ABCA9: variants seen among roughly 807,000 people sequenced by gnomAD.
ABCA9 encodes the protein ATP-binding cassette sub-family A member 9.
A neutral mutation model predicts 205.3 loss-of-function variants in ABCA9; 183 were observed. That is an observed-to-expected ratio of 0.89 (90% CI 0.79 to 1.01). The LOEUF (loss-of-function observed/expected upper bound fraction) is 1.01, where lower values mean the gene tolerates loss of function less well. Among genes scored for constraint, ABCA9 ranks in the 50% least tolerant of loss-of-function variants. ABCA9 has a pLI of 0.00. For missense variants in ABCA9, 1,805 were observed against 1,912.4 expected (o/e 0.94, Z 1.05); for synonymous variants, 651 against 683.3 (o/e 0.95, Z 0.74).
chr17:69,008,447 C>T lies in ABCA9; in HGVS notation c.3148-212G>A, dbSNP rs191784229. Reference sequence around the variant, plus strand: ...ATTATTTCATTGTCTAAAGGGAAAACGCACCAACATAACTAGCTAATGTTA... The same window carrying T: ...ATTATTTCATTGTCTAAAGGGAAAATGCACCAACATAACTAGCTAATGTTA... On this transcript the variant is annotated intron_variant, in intron 23 of 38. Coordinates refer to ENST00000340001, the MANE Select transcript of ABCA9 (RefSeq NM_080283.4). Among the ~76,000 whole-genome samples, 70 of 152,292 alleles carry T rather than the reference C, an allele frequency of 4.6e-4. 3 individuals are homozygous for T. Among genetic ancestry groups the T allele is most frequent in the Admixed American group, 3.9e-3 (59 of 15,300 alleles).
chr17:69,062,114 C>T (rs1461713598), upstream of ABCA9, among the ~76,000 whole-genome samples: 1 of 151,388 alleles, frequency 6.6e-6, no homozygotes, highest in Non-Finnish European at 1.5e-5. Context: ...AGGCTGAACT[C>T]CTGAATCCAT....
chr17:69,016,375 T>C lies in ABCA9; in HGVS notation c.2917A>G (p.Ile973Val). Residue 973 changes from isoleucine to valine, a missense_variant, in exon 22 of 39, where the codon ATA becomes GTA. Coordinates refer to ENST00000340001, the MANE Select transcript of ABCA9 (RefSeq NM_080283.4). ...SGDEKDHRFS[I>V]ACNTKRLNCF... ...TTCAGCCGTTTTGTATTACATGCTA[T>C]TGAAAATCTGTGATCCTGAAATACA... The C allele has an allele frequency of 1.3e-6, 2 of 1,588,578 alleles. No individual in the cohort carries two copies. Among genetic ancestry groups the C allele is most frequent in the Non-Finnish European group, 1.7e-6 (2 of 1,171,124 alleles).
At chr17:68,980,853 A>G (rs191916297) in intron 37 of ABCA9, among the ~76,000 whole-genome samples, 1 of 152,038 alleles carries the variant, frequency 6.6e-6, no homozygotes, top group African/African-American at 2.4e-5. Context: ...AACATGGCAC[A>G]TATATACATA....
At chr17:69,013,095 C>T (rs991049985) in intron 22 of ABCA9, among the ~76,000 whole-genome samples, 3 of 151,648 alleles carry the variant, frequency 2.0e-5, no homozygotes, top group Non-Finnish European at 4.4e-5. Flanking sequence ...GTATATGTAC[C>T]TCATTTTCTT....
intron 1 of ABCA9, among the ~76,000 whole-genome samples, chr17:69,056,185 C>T (rs904296854): frequency 4.6e-5 from 7 of 151,758 alleles, no homozygotes; most frequent in Admixed American, 3.3e-4. Flanking sequence ...ATCAATGAAA[C>T]GGAAAACAGG....
upstream of ABCA9, among the ~76,000 whole-genome samples, chr17:69,062,537 G>C (rs980367871): frequency 6.6e-6 from 1 of 152,002 alleles, no homozygotes; most frequent in Non-Finnish European, 1.5e-5. Flanking sequence ...TTGAGACGGA[G>C]TTTCCCTCTG....
Position 69,028,603 on chromosome 17 carries a change from AG to A in ABCA9, c.1546del (p.Gly517ValfsTer11). 1 of 1,610,572 alleles carries A rather than the reference AG, an allele frequency of 6.2e-7. No individual in the cohort carries two copies. The highest frequency in any genetic ancestry group is 8.5e-7 in the Non-Finnish European group (1 of 1,178,144). On this transcript the variant is annotated frameshift_variant, in exon 12 of 39. Transcript: ENST00000340001. LOFTEE classifies it high-confidence loss of function. Reference sequence around the variant, plus strand: ...AGTTTTTCCAGCTCCACTGTGACCAAGGAGGGCAGTGATCTGGCCTTCATAT... The same window carrying A: ...AGTTTTTCCAGCTCCACTGTGACCAAGAGGGCAGTGATCTGGCCTTCATAT... ...DIYEGQITAL[L>X]GHSGAGKTTL...
chr17:69,046,441 C>T (rs1243264112), intron 3 of ABCA9, among the ~76,000 whole-genome samples: 1 of 152,124 alleles, frequency 6.6e-6, no homozygotes, highest in Non-Finnish European at 1.5e-5. Context: ...TTATGAGAGG[C>T]TTATAATTTC....
chr17:68,992,289 A>G (rs1293491926), intron 27 of ABCA9, 23 bp from the exon 28 acceptor site: 2 of 1,386,280 alleles, frequency 1.4e-6, no homozygotes, highest in African/African-American at 1.4e-5. Flanking sequence ...AAAGACAATC[A>G]CAATTAGTAT....
intron 31 of ABCA9, chr17:68,986,818 T>G (rs2069253588): frequency 6.6e-6 from 1 of 152,468 alleles, no homozygotes; most frequent in African/African-American, 2.4e-5. Flanking sequence ...TGGCATCTAG[T>G]AAGTAGGGGC....
In ABCA9 at chr17:68,975,853, C is replaced by A; in HGVS notation, c.*62G>T. 7.9e-7 allele frequency: 1 copy of A among 1,267,446 alleles called. No homozygotes were observed. Among genetic ancestry groups the A allele is most frequent in the Non-Finnish European group, 1.1e-6 (1 of 889,956 alleles). 78.5% of individuals were successfully genotyped at this position (1,267,446 alleles called of 1,614,324 possible). On this transcript the variant is annotated 3_prime_UTR_variant, in exon 39 of 39. Transcript: ENST00000340001. The stretch of plus-strand genomic sequence containing the variant: ...ACCTCTGATATAAGGCATATTAAGG[C>A]TATAAAATATTATCTTTAAAAGAGT...
chr17:69,070,184 C>A, the ABCA9 span, among the ~76,000 whole-genome samples: 1 of 151,562 alleles, frequency 6.6e-6, no homozygotes, highest in Admixed American at 6.6e-5. Context: ...GTAAAATATA[C>A]AGATAAAATA....
At chr17:68,992,973 G>A in intron 27 of ABCA9, 43 bp downstream of exon 27, 1 of 1,465,594 alleles carries the variant, frequency 6.8e-7, no homozygotes, top group South Asian at 1.2e-5. Context: ...TACAAAAGTT[G>A]TGTTCCCTCA....
At position 69,026,439 on chromosome 17, in the gene ABCA9, C is replaced by T. The variant is rs763175487; in HGVS notation, c.2079G>A (p.Lys693=). 238 of 1,613,720 alleles carry T rather than the reference C, an allele frequency of 1.5e-4. No individual in the cohort carries two copies. Among genetic ancestry groups the T allele is most frequent in the Non-Finnish European group, 1.9e-4 (222 of 1,179,780 alleles). The stretch of plus-strand genomic sequence containing the variant: ...ACAGAGAAGAGCCTGCACACTTCAG[C>T]TTCCCATTGGATATGAACACCTTCC... ...ADRKVFISNG[K]LKCAGSSLFL... The change falls in exon 16 of 39, where the codon AAG becomes AAA. Residue 693 remains lysine (K), a synonymous_variant. Coordinates refer to ENST00000340001, the MANE Select transcript of ABCA9 (RefSeq NM_080283.4).
intron 3 of ABCA9, among the ~76,000 whole-genome samples, chr17:69,046,230 A>T (rs998359424): frequency 9.2e-5 from 14 of 152,200 alleles, no homozygotes; most frequent in Admixed American, 9.2e-4. Flanking sequence ...GACTTTGTTT[A>T]TTCTAAAATA....
chr17:69,019,237 T>C (rs1018010209), intron 19 of ABCA9, among the ~76,000 whole-genome samples: 2 of 152,122 alleles, frequency 1.3e-5, no homozygotes, highest in African/African-American at 4.8e-5. Flanking sequence ...TTTGCACAAT[T>C]ACCCAATTAA....
the ABCA9 span, among the ~76,000 whole-genome samples, chr17:69,078,227 C>T: frequency 3.9e-5 from 4 of 101,850 alleles, no homozygotes; most frequent in Admixed American, 1.1e-4. Context: ...TTTTTTTTGA[C>T]AGAGTCTCAC....
chr17:68,990,844 A>G lies in ABCA9; in HGVS notation c.3830T>C (p.Phe1277Ser). The G allele has an allele frequency of 1.9e-6, 3 of 1,611,796 alleles. No homozygotes were observed. The highest frequency in any genetic ancestry group is 1.7e-5 in the Admixed American group (1 of 59,134). ...AACATTTCTGAGTTCTACCTCATCAAAGTCTCGCACAGCCATAGCATTCAC... is the reference window on the plus strand; with the variant it reads ...AACATTTCTGAGTTCTACCTCATCAGAGTCTCGCACAGCCATAGCATTCAC... ...RTVNAMAVRD[F>S]DETPVIIASC... is the part of the protein sequence containing the mutation. The change falls in exon 29 of 39, where the codon TTT becomes TCT. Residue 1277 changes from phenylalanine to serine, a missense_variant. By Grantham distance (155) the Phe-to-Ser change is radical. Transcript: ENST00000340001.
At chr17:69,028,323 T>C (rs1377880465) in intron 12 of ABCA9, among the ~76,000 whole-genome samples, 2 of 152,082 alleles carry the variant, frequency 1.3e-5, no homozygotes, top group East Asian at 3.9e-4. Flanking sequence ...CCTGCCACCA[T>C]GCCTGGCTAA....
Sources: allele counts gnomAD v4.1 joint callset (sites outside exome capture counted in the v4.1 genomes callset), GRCh38; gene constraint gnomAD v4.1.1; transcripts MANE v1.5; gene names NCBI Gene and HGNC (gene_info 2026-07-23, HGNC 2026-07-21).